Variants in ERICH1 observed in about 807,000 individuals in gnomAD.
ERICH1 encodes the protein glutamate-rich protein 1.
ERICH1 carries 56 observed loss-of-function variants against 39.6 expected under a neutral mutation model. That is an observed-to-expected ratio of 1.41 (90% CI 1.14 to 1.77). The LOEUF is 1.77. ERICH1 is among the 40% of genes most tolerant of loss of function. ERICH1 has a pLI of 0.00. For synonymous variants in ERICH1, 313 were observed against 223.6 expected, an observed-to-expected ratio of 1.40 and a Z score of -3.57; for missense variants, 826 against 575.4, an observed-to-expected ratio of 1.44 and a Z score of -4.45.
chr8:727,416 A>T (rs1027717255), intron 1 of ERICH1, among the ~76,000 whole-genome samples: 2 of 152,174 alleles, frequency 1.3e-5, no homozygotes, highest in African/African-American at 4.8e-5. Flanking sequence ...GAGAAACCAG[A>T]AGATGACAGG....
intron 3 of ERICH1, among the ~76,000 whole-genome samples, chr8:655,067 C>G (rs1174900832): frequency 2.0e-5 from 3 of 152,156 alleles, no homozygotes; most frequent in Admixed American, 6.5e-5. Flanking sequence ...TGGAGAACAA[C>G]AAAAAGGAAA....
rs749341710 is a variant in ERICH1, at chr8:656,945, A to C, written c.976+11653T>G. The C allele has an allele frequency of 7.3e-4, 511 of 697,398 alleles. 1 individual carries two copies. The highest frequency in any genetic ancestry group is 8.0e-4 in the Non-Finnish European group (454 of 566,156). 43.2% of individuals were successfully genotyped at this position (697,398 alleles called of 1,614,324 possible). On this transcript the variant is annotated intron_variant, in intron 3 of 3. Coordinates refer to the ERICH1 transcript ENST00000522706. ...CCTTATATGTTAACCTAAATAATGC[A>C]TTTTAGTGCAAAATAATTTTTAAGA...
rs535771114 is a variant in ERICH1 at position 727,386 on chromosome 8, A to G, written c.22+3754T>C. ...ATTCCTGGCGTGTGAAGTTGGGGCA[A>G]TCCACTCCCTGAGGTGCAGGAGAAA... is the stretch of plus-strand genomic sequence containing the variant. On this transcript the variant is annotated intron_variant, in intron 1 of 5. Transcript: ENST00000262109. Among the ~76,000 whole-genome samples the G allele has an allele frequency of 8.5e-5, 13 of 152,336 alleles. No individual in the cohort carries two copies. The East Asian group carries it at 1.2e-3, about 14-fold the overall frequency.
At chr8:707,397 G>A (rs1813556497) in intron 2 of ERICH1, among the ~76,000 whole-genome samples, 1 of 151,876 alleles carries the variant, frequency 6.6e-6, no homozygotes, top group Non-Finnish European at 1.5e-5. Flanking sequence ...TAGTAGAGAT[G>A]GGGTTTCACC....
chr8:651,605 G>A (rs1286767962), intron 3 of ERICH1, among the ~76,000 whole-genome samples: 1 of 151,964 alleles, frequency 6.6e-6, no homozygotes, highest in Non-Finnish European at 1.5e-5. Context: ...GGGGGCAGGG[G>A]AAACAGGTAA....
chr8:629,835 C>A (rs1218498349), intron 3 of ERICH1, among the ~76,000 whole-genome samples: 3 of 142,274 alleles, frequency 2.1e-5, no homozygotes, highest in Non-Finnish European at 4.5e-5. Context: ...ACAAAGCTGA[C>A]ACACACCCTC....
chr8:684,541 C>T (rs970850740), intron 3 of ERICH1, among the ~76,000 whole-genome samples: 16 of 152,174 alleles, frequency 1.1e-4, no homozygotes, highest in Non-Finnish European at 1.8e-4. Flanking sequence ...ATTTACTTCA[C>T]GGGTTTTCAG....
At chr8:686,461 A>C (rs1188288692) in intron 3 of ERICH1, among the ~76,000 whole-genome samples, 1 of 151,284 alleles carries the variant, frequency 6.6e-6, no homozygotes, top group Non-Finnish European at 1.5e-5. Context: ...AAAAAAAAAA[A>C]AAAACAAAAA....
At chr8:714,990 G>C (rs1474174072) in intron 2 of ERICH1, among the ~76,000 whole-genome samples, 1 of 151,306 alleles carries the variant, frequency 6.6e-6, no homozygotes, top group Admixed American at 6.6e-5. Context: ...CGCACAGCCG[G>C]TCTATTCTCG....
At chr8:627,113 C>A (rs563928702) in intron 3 of ERICH1, 3 of 456,246 alleles carry the variant, frequency 6.6e-6, no homozygotes, top group South Asian at 1.5e-5. Flanking sequence ...ACACCTGCAT[C>A]AGTCAAGGTC....
chr8:625,886 G>A (rs1371031220), intron 3 of ERICH1: 1 of 152,196 alleles, frequency 6.6e-6, no homozygotes, highest in Non-Finnish European at 1.5e-5. Context: ...ATTCTTCCAA[G>A]GTTTGTGGCA....
At chr8:657,536 T>C (rs1800809780) in intron 3 of ERICH1, among the ~76,000 whole-genome samples, 1 of 151,002 alleles carries the variant, frequency 6.6e-6, no homozygotes, top group Admixed American at 6.6e-5. Context: ...TCTAAGATGA[T>C]GATGCTCCTG....
rs372926675 is a variant in ERICH1, at chr8:715,934, C to A, written c.96G>T (p.Thr32=). The A allele has an allele frequency of 6.2e-7, 1 of 1,613,920 alleles. No individual in the cohort carries two copies. Among genetic ancestry groups the A allele is most frequent in the Non-Finnish European group, 8.5e-7 (1 of 1,179,946 alleles). The change falls in exon 2 of 6, where the codon ACG becomes ACT. Residue 32 remains threonine (T), a synonymous_variant. Transcript: ENST00000262109. ...PSGQGKREPQ[T]LAVQNPPKKV... is the part of the protein sequence containing the mutation. ...TCTTTGGTGGATTTTGGACGGCCAG[C>A]GTCTGGGGTTCCCTCTTTCCTTGGC...
intron 4 of ERICH1, among the ~76,000 whole-genome samples, chr8:672,513 G>A (rs975188589): frequency 6.6e-6 from 1 of 151,994 alleles, no homozygotes; most frequent in South Asian, 2.1e-4. Context: ...CTTAAATCTG[G>A]ATCTGCTAAA....
At chr8:705,759 A>G (rs1199766032) in intron 2 of ERICH1, among the ~76,000 whole-genome samples, 1 of 152,206 alleles carries the variant, frequency 6.6e-6, no homozygotes, top group Non-Finnish European at 1.5e-5. Flanking sequence ...CTTTACTCAC[A>G]AAGGAAAAAG....
At chr8:645,942 G>A (rs1799463506) in intron 3 of ERICH1, among the ~76,000 whole-genome samples, 1 of 69,820 alleles carries the variant, frequency 1.4e-5, no homozygotes, top group African/African-American at 3.6e-5. Context: ...TGCCGTGTCT[G>A]TACATCCGTG....
downstream of ERICH1, among the ~76,000 whole-genome samples, chr8:663,645 G>A (rs1035661225): frequency 6.6e-6 from 1 of 152,128 alleles, no homozygotes; most frequent in African/African-American, 2.4e-5. Context: ...GTGGTACCTT[G>A]AATCATGCAC....
intron 3 of ERICH1, among the ~76,000 whole-genome samples, chr8:638,737 G>C (rs1244851418): frequency 6.6e-6 from 1 of 152,158 alleles, no homozygotes; most frequent in Non-Finnish European, 1.5e-5. Context: ...TAACCCACCT[G>C]AACGTGGTTA....
In ERICH1 at chr8:673,568, C is replaced by T. The variant is rs779103293; in HGVS notation, c.784G>A (p.Gly262Arg). ...CTGGCGTCTTTAACGTCTTCCTCCC[C>T]GGCCGGTGTCGGATCTTCCTCACTG... ...DASEEDPTPA[G>R]EEDVKDAREE... The change falls in exon 4 of 6, where the codon GGG becomes AGG. Residue 262 changes from glycine (G) to arginine (R), a missense_variant. Transcript: ENST00000262109. The T allele has an allele frequency of 9.0e-6, 14 of 1,550,160 alleles. No individual in the cohort carries two copies. The highest frequency in any genetic ancestry group is 2.3e-5 in the South Asian group (2 of 86,764).
Sources: allele counts gnomAD v4.1 joint callset (sites outside exome capture counted in the v4.1 genomes callset), GRCh38; gene constraint gnomAD v4.1.1; transcripts MANE v1.5; gene names NCBI Gene and HGNC (gene_info 2026-07-23, HGNC 2026-07-21).